ATP2B2: variants seen among roughly 807,000 people sequenced by gnomAD.
ATP2B2 encodes ATPase plasma membrane Ca2+ transporting 2.
ATP2B2 carries 15 observed loss-of-function variants against 120.0 expected under a neutral mutation model. The ratio of observed to expected loss-of-function variants is 0.12; its 90% CI spans 0.08 to 0.19. The LOEUF (loss-of-function observed/expected upper bound fraction) is 0.19. Ranked by LOEUF, ATP2B2 falls within the 10% of genes least tolerant of loss-of-function variation. The pLI, the probability that ATP2B2 is intolerant of heterozygous loss-of-function variation, is 1.00. For synonymous variants in ATP2B2, 694 were observed against 700.3 expected, an observed-to-expected ratio of 0.99 and a Z score of 0.14; for missense variants, 1,045 against 1,719.8, an observed-to-expected ratio of 0.61 and a Z score of 6.94.
intron 3 of ATP2B2, among the ~76,000 whole-genome samples, chr3:10,528,588 G>C (rs532583466): frequency 6.6e-6 from 1 of 152,266 alleles, no homozygotes; most frequent in South Asian, 2.1e-4. Context: ...CCTAGCCACT[G>C]TAATCTTCCT....
intron 1 of ATP2B2, among the ~76,000 whole-genome samples, chr3:10,461,302 C>G (rs541830230): frequency 6.6e-6 from 1 of 152,206 alleles, no homozygotes; most frequent in Non-Finnish European, 1.5e-5. Context: ...CACACTTGAG[C>G]CCTGGTTATC....
intron 1 of ATP2B2, among the ~76,000 whole-genome samples, chr3:10,707,315 G>A (rs1464700528): frequency 2.0e-5 from 3 of 152,234 alleles, no homozygotes; most frequent in Non-Finnish European, 4.4e-5. Flanking sequence ...GGGGAGCTAG[G>A]AAAAGGTGAG....
chr3:10,576,919 TGGC>T (rs1425792587), intron 2 of ATP2B2, among the ~76,000 whole-genome samples: 1 of 151,898 alleles, frequency 6.6e-6, no homozygotes, highest in Non-Finnish European at 1.5e-5. Flanking sequence ...CCTGGTATGG[TGGC>T]GGGTGCCTGT....
At chr3:10,535,835 G>T (rs2067302777) in intron 2 of ATP2B2, among the ~76,000 whole-genome samples, 1 of 152,088 alleles carries the variant, frequency 6.6e-6, no homozygotes, top group Admixed American at 6.5e-5. Context: ...GGTTTTTTGT[G>T]TGAACAAATT....
At position 10,560,234 on chromosome 3, in the gene ATP2B2, A is replaced by G. The variant is rs183962797; in HGVS notation, c.-414-26101T>C. Among the ~76,000 whole-genome samples the G allele has an allele frequency of 9.8e-4, 150 of 152,310 alleles. 1 individual carries two copies. Among genetic ancestry groups the G allele is most frequent in the Non-Finnish European group, 1.3e-3 (89 of 68,024 alleles). ...TATAATGGCGTGTCGCAGGCAGGCC[A>G]GGGCGGGAAACCTCATGTGCTAGAG... On this transcript the variant is annotated intron_variant, in intron 2 of 21. Coordinates refer to the ATP2B2 transcript ENST00000646379.
At chr3:10,625,224 G>A (rs551007535) in intron 1 of ATP2B2, among the ~76,000 whole-genome samples, 1 of 152,318 alleles carries the variant, frequency 6.6e-6, no homozygotes, top group South Asian at 2.1e-4. Flanking sequence ...TAAGGCATTG[G>A]CCTAGCTAAG....
intron 1 of ATP2B2, among the ~76,000 whole-genome samples, chr3:10,695,748 A>G (rs976912608): frequency 2.0e-5 from 3 of 152,150 alleles, no homozygotes; most frequent in African/African-American, 7.2e-5. Flanking sequence ...CATTTAGCTG[A>G]CCTGTAGATT....
At chr3:10,626,864 A>C (rs2069715567) in intron 1 of ATP2B2, 2 of 92,776 alleles carry the variant, frequency 2.2e-5, no homozygotes, top group South Asian at 8.1e-4. Flanking sequence ...ACTGGTAGTG[A>C]GACACACACA....
chr3:10,522,875 G>A lies in ATP2B2; in HGVS notation c.-320+11164C>T, dbSNP rs75560695. Among the ~76,000 whole-genome samples the A allele has an allele frequency of 1.3e-3, 194 of 152,340 alleles. 3 individuals are homozygous for A. In the East Asian group the frequency reaches 0.03, roughly 23 times the overall value. ...CCTCATGTTTTCTCCCAGAGCCTGAGGTTCTTCAGCTGCAGAGATGGTGAC... is the reference window on the plus strand; with the variant it reads ...CCTCATGTTTTCTCCCAGAGCCTGAAGTTCTTCAGCTGCAGAGATGGTGAC... On this transcript the variant is annotated intron_variant, in intron 3 of 21. Coordinates refer to the ATP2B2 transcript ENST00000646379.
intron 3 of ATP2B2, among the ~76,000 whole-genome samples, chr3:10,524,767 CT>C (rs1265503574): frequency 6.6e-6 from 1 of 152,168 alleles, no homozygotes. Flanking sequence ...GTTAAGTAAC[CT>C]CTCCTGGCTA....
intron 1 of ATP2B2, among the ~76,000 whole-genome samples, chr3:10,469,742 G>C (rs1253676897): frequency 1.3e-5 from 2 of 152,200 alleles, no homozygotes; most frequent in Non-Finnish European, 2.9e-5. Flanking sequence ...GAGAAAGTGG[G>C]TTCCAAGAGA....
intron 2 of ATP2B2, among the ~76,000 whole-genome samples, chr3:10,580,922 A>T (rs148340078): frequency 6.6e-6 from 1 of 152,248 alleles, no homozygotes; most frequent in Non-Finnish European, 1.5e-5. Flanking sequence ...GACAGAAGTC[A>T]TCTAACTTGC....
chr3:10,686,718 T>C (rs2071534073), intron 1 of ATP2B2, among the ~76,000 whole-genome samples: 2 of 152,084 alleles, frequency 1.3e-5, no homozygotes, highest in Admixed American at 6.5e-5. Flanking sequence ...TAGGTGCTTG[T>C]TGCCTTCCCA....
intron 1 of ATP2B2, among the ~76,000 whole-genome samples, chr3:10,486,063 T>C (rs1468928489): frequency 2.0e-5 from 3 of 152,132 alleles, no homozygotes; most frequent in Non-Finnish European, 2.9e-5. Flanking sequence ...GACTCAGGCA[T>C]CTCCCCTCAG....
At chr3:10,460,394 G>A (rs1434466930) in intron 1 of ATP2B2, among the ~76,000 whole-genome samples, 1 of 152,160 alleles carries the variant, frequency 6.6e-6, no homozygotes, top group Non-Finnish European at 1.5e-5. Context: ...TGAAGGAGCT[G>A]TCCACACACT....
At chr3:10,666,838 G>T (rs772699002) in intron 1 of ATP2B2, among the ~76,000 whole-genome samples, 1 of 152,176 alleles carries the variant, frequency 6.6e-6, no homozygotes, top group African/African-American at 2.4e-5. Flanking sequence ...GGGTAGTGAC[G>T]GCTGGCCAGG....
At chr3:10,597,496 A>C (rs1436656342) in intron 2 of ATP2B2, among the ~76,000 whole-genome samples, 1 of 152,170 alleles carries the variant, frequency 6.6e-6, no homozygotes, top group African/African-American at 2.4e-5. Flanking sequence ...GTTAAGAAGG[A>C]AAGAAGGAGG....
At chr3:10,393,804 C>T (rs959547969) in intron 5 of ATP2B2, among the ~76,000 whole-genome samples, 2 of 152,300 alleles carry the variant, frequency 1.3e-5, no homozygotes, top group Middle Eastern at 3.4e-3. Flanking sequence ...TGGTCTCTGA[C>T]CTGGCAGCAG....
At chr3:10,451,121 C>G (rs896172696) in intron 1 of ATP2B2, among the ~76,000 whole-genome samples, 2 of 152,236 alleles carry the variant, frequency 1.3e-5, no homozygotes, top group Non-Finnish European at 2.9e-5. Flanking sequence ...CAGCCGGGAA[C>G]TTGAAGCTCA....
Sources: gnomAD v4.1 joint callset for allele counts (sites outside exome capture counted in the v4.1 genomes callset) on GRCh38, gnomAD v4.1.1 for gene constraint, MANE v1.5 for transcripts, NCBI Gene and HGNC (gene_info 2026-07-23, HGNC 2026-07-21) for gene names.